Variants in SETDB1 observed in about 807,000 individuals in gnomAD.
SETDB1 encodes histone-lysine N-methyltransferase SETDB1.
SETDB1 carries 31 observed loss-of-function variants against 137.4 expected under a neutral mutation model. The ratio of observed to expected loss-of-function variants is 0.23; its 90% CI spans 0.17 to 0.30. SETDB1 has a LOEUF of 0.30. Among genes scored for constraint, SETDB1 ranks in the 10% least tolerant of loss-of-function variants. SETDB1 has a pLI of 1.00. For missense variants in SETDB1, 1,113 were observed against 1,631.5 expected, an observed-to-expected ratio of 0.68 and a Z score of 5.47; for synonymous variants, 548 against 579.9, an observed-to-expected ratio of 0.95 and a Z score of 0.79.
Position 150,949,409 on chromosome 1 carries a change from C to G in SETDB1, c.1467C>G (p.Ala489=), listed in dbSNP as rs1296901029. ...SQLAQSRKQV[A]KKSTSFRPGS... ...TTGCCCAGTCACGGAAGCAGGTAGC[C>G]AAAAAGAGCACGTCCTTTCGACCAG... The change falls in exon 12 of 22, where the codon GCC becomes GCG. Residue 489 remains alanine (A), a synonymous_variant. Coordinates refer to ENST00000692827, the MANE Select transcript of SETDB1 (RefSeq NM_001366418.1). The G allele has an allele frequency of 6.2e-7, 1 of 1,614,158 alleles. No homozygotes were observed. The highest frequency in any genetic ancestry group is 8.5e-7 in the Non-Finnish European group (1 of 1,180,038).
At chr1:150,928,058 C>T in intron 2 of SETDB1, 84 bp downstream of exon 2, 1 of 1,462,622 alleles carries the variant, frequency 6.8e-7, no homozygotes, top group Non-Finnish European at 9.4e-7. Flanking sequence ...TTGAACCAAG[C>T]ATTTTATTTT....
chr1:150,946,857 C>G (rs1437219607), intron 9 of SETDB1, 29 bp from the exon 10 acceptor site: 9 of 1,613,392 alleles, frequency 5.6e-6, no homozygotes, highest in Non-Finnish European at 7.6e-6. Context: ...TAAGCTATTT[C>G]CCTTCATTCT....
intron 14 of SETDB1, among the ~76,000 whole-genome samples, chr1:150,955,995 G>A (rs1176906151): frequency 6.6e-6 from 1 of 150,916 alleles, no homozygotes; most frequent in Non-Finnish European, 1.5e-5. Flanking sequence ...AGGAGGCTGA[G>A]ATGGGAGAAT....
rs1236390618 is a variant in SETDB1 at position 150,928,948 on chromosome 1, T to G, written c.260+974T>G. Among the ~76,000 whole-genome samples the G allele has an allele frequency of 2.6e-5, 4 of 152,218 alleles. No homozygotes were observed. In the South Asian group the frequency reaches 8.3e-4, roughly 31 times the overall value. On this transcript the variant is annotated intron_variant, in intron 2 of 21. Coordinates refer to ENST00000692827, the MANE Select transcript of SETDB1 (RefSeq NM_001366418.1). ...CTCATCCTTTTTTATGGCTGCATAG[T>G]ATTCCATGGTGTATATGTGCCACAT...
chr1:150,947,803 T>G (rs1271137079), intron 10 of SETDB1, among the ~76,000 whole-genome samples: 6 of 152,130 alleles, frequency 3.9e-5, no homozygotes, highest in Admixed American at 2.0e-4. Flanking sequence ...GATTTGGTTT[T>G]CTTTTTTAAT....
chr1:150,958,254 C>CTTTTTTTT (rs374122454), intron 14 of SETDB1, among the ~76,000 whole-genome samples: 369 of 94,056 alleles, frequency 3.9e-3, no homozygotes, highest in Non-Finnish European at 4.6e-3. Context: ...TTTCTTTTTT[C>CTTTTTTTT]TTTTTTTTTT....
Position 150,926,446 on chromosome 1 carries a change from G to A in SETDB1, c.-83G>A, listed in dbSNP as rs1041656902. 23 of 273,556 alleles carry A rather than the reference G, an allele frequency of 8.4e-5. No individual in the cohort carries two copies. Among genetic ancestry groups the A allele is most frequent in the African/African-American group, 4.9e-4 (21 of 43,290 alleles). The allele number at this position is 273,556 out of a possible 1,614,324, so 16.9% of individuals were successfully genotyped here. ...CCCTTCGCTTTCGCTCTTTTCCGTC[G>A]AGGCCGACCCCTGAGTTGTGAGTCT... On this transcript the variant is annotated 5_prime_UTR_variant, in exon 1 of 22. Transcript: ENST00000692827.
chr1:150,933,786 T>A (rs1478434649), intron 3 of SETDB1, among the ~76,000 whole-genome samples: 1 of 140,124 alleles, frequency 7.1e-6, no homozygotes, highest in African/African-American at 2.6e-5. Context: ...TTTCTTTTTT[T>A]TTTTTTTTTT....
At chr1:150,941,988 A>C in intron 5 of SETDB1, among the ~76,000 whole-genome samples, 1 of 151,466 alleles carries the variant, frequency 6.6e-6, no homozygotes, top group African/African-American at 2.4e-5. Flanking sequence ...AAAAATACAA[A>C]AATTAGCCAG....
At position 150,964,455 on chromosome 1, in the gene SETDB1, G is replaced by A. The variant is rs1021803921; in HGVS notation, c.*91G>A. On this transcript the variant is annotated 3_prime_UTR_variant, in exon 22 of 22. Transcript: ENST00000692827. ...TTGAACCCTGACCCGAAGTCTCTGG[G>A]CTAGCTACTCCCCCCAGCTCCTAGT... 1.1e-5 allele frequency: 10 copies of A among 889,688 alleles called. No individual in the cohort carries two copies. Among genetic ancestry groups the A allele is most frequent in the African/African-American group, 5.0e-5 (3 of 60,318 alleles). 55.1% of individuals were successfully genotyped at this position (889,688 alleles called of 1,614,324 possible). A position where few individuals can be genotyped will look rare whatever the true frequency, so the allele number is the denominator to read the frequency against.
intron 2 of SETDB1, among the ~76,000 whole-genome samples, chr1:150,929,344 C>A (rs1669648121): frequency 6.6e-6 from 1 of 151,800 alleles, no homozygotes; most frequent in African/African-American, 2.4e-5. Context: ...CTGATGGCCA[C>A]TGATAATGAG....
intron 18 of SETDB1, 61 bp from the exon 19 acceptor site, chr1:150,962,913 A>T: frequency 6.4e-7 from 1 of 1,574,746 alleles, no homozygotes; most frequent in East Asian, 2.3e-5. Context: ...GGGTAACAGC[A>T]AGGACTTAAA....
rs74128604 is a variant in SETDB1, at chr1:150,959,062, A to C, written c.2334-116A>C. 14,972 of 707,194 alleles carry C rather than the reference A, an allele frequency of 0.021. 1,748 individuals are homozygous for C. The African/African-American group carries it at 0.25, about 12-fold the overall frequency. 43.8% of individuals were successfully genotyped at this position (707,194 alleles called of 1,614,324 possible). A position where few individuals can be genotyped will look rare whatever the true frequency, so the allele number is the denominator to read the frequency against. On this transcript the variant is annotated intron_variant, in intron 14 of 21. Coordinates refer to ENST00000692827, the MANE Select transcript of SETDB1 (RefSeq NM_001366418.1). Reference sequence around the variant, plus strand: ...CACTTAGATCATTACCTAATTTTTAATCTTTATCCACAACACATTATAAAT... The same window carrying C: ...CACTTAGATCATTACCTAATTTTTACTCTTTATCCACAACACATTATAAAT...
rs587635952 is a variant in SETDB1 at position 150,930,834 on chromosome 1, C to G, written c.412+716C>G. On this transcript the variant is annotated intron_variant, in intron 3 of 21. Transcript: ENST00000692827. ...TACAGGCATGAGCTGCTGCACCCAG[C>G]CAATTCCTTAGGTTTTTCTAAAACT... is the stretch of plus-strand genomic sequence containing the variant. 3.3e-5 allele frequency among the ~76,000 whole-genome samples: 5 copies of G among 152,196 alleles called. No homozygotes were observed. The South Asian group carries it at 6.2e-4, about 19-fold the overall frequency.
chr1:150,936,241 G>T (rs879625009), intron 3 of SETDB1, among the ~76,000 whole-genome samples: 1 of 152,124 alleles, frequency 6.6e-6, no homozygotes, highest in East Asian at 1.9e-4. Context: ...TGCCCGTCTC[G>T]GCCTCCCAAA....
In SETDB1 at chr1:150,946,937, A is replaced by C. The variant is rs778727819; in HGVS notation, c.1192A>C (p.Met398Leu). 1 of 1,614,192 alleles carries C rather than the reference A, an allele frequency of 6.2e-7. No individual in the cohort carries two copies. ...TCGAGGCTCTACACGGCTGGAGCCCATGTTCAGCATGAAAACATCCTCAGC... is the reference window on the plus strand; with the variant it reads ...TCGAGGCTCTACACGGCTGGAGCCCCTGTTCAGCATGAAAACATCCTCAGC... ...IYRGSTRLEP[M>L]FSMKTSSASA... is the part of the protein sequence containing the mutation. The change falls in exon 10 of 22, where the codon ATG (methionine) becomes CTG (leucine). Residue 398 changes from methionine to leucine, a missense_variant. Transcript: ENST00000692827.
At chr1:150,952,003 C>CCGG (rs905757364) in intron 14 of SETDB1, among the ~76,000 whole-genome samples, 1 of 144,450 alleles carries the variant, frequency 6.9e-6, no homozygotes, top group African/African-American at 2.9e-5. Context: ...CAAAAATTAG[C>CCGG]CGGGGGTGGT....
At chr1:150,931,726 C>CAAAAAAAAAAAAAAA (rs10691133) in intron 3 of SETDB1, among the ~76,000 whole-genome samples, 1 of 72,346 alleles carries the variant, frequency 1.4e-5, no homozygotes, top group Non-Finnish European at 2.7e-5. Flanking sequence ...CTGTCTCACC[C>CAAAAAAAAAAAAAAA]AAAAAAAAAA....
At chr1:150,938,714 G>C (rs1316897580) in intron 3 of SETDB1, among the ~76,000 whole-genome samples, 1 of 152,066 alleles carries the variant, frequency 6.6e-6, no homozygotes, top group East Asian at 1.9e-4. Context: ...ATGTTGGCCA[G>C]GCTGGTCTGG....
Sources: gnomAD v4.1 joint callset for allele counts (sites outside exome capture counted in the v4.1 genomes callset) on GRCh38, gnomAD v4.1.1 for gene constraint, MANE v1.5 for transcripts, NCBI Gene and HGNC (gene_info 2026-07-23, HGNC 2026-07-21) for gene names.